Variants in BCAR1 observed in about 807,000 individuals in gnomAD.
The protein encoded by BCAR1 is breast cancer anti-estrogen resistance protein 1.
Under a neutral mutation model 67.6 loss-of-function variants are expected in BCAR1, and 30 were observed. The ratio of observed to expected loss-of-function variants is 0.44; its 90% CI spans 0.33 to 0.60. The LOEUF is 0.60. Ranked by LOEUF, BCAR1 falls within the 20% of genes least tolerant of loss-of-function variation. The probability of loss-of-function intolerance (pLI) is 0.02; values close to 1 mark genes in which losing one functional copy is unlikely to be tolerated. For synonymous variants in BCAR1, 626 were observed against 556.7 expected (o/e 1.12, Z -1.75); for missense variants, 1,313 against 1,222.3 (o/e 1.07, Z -1.11).
intron 1 of BCAR1, among the ~76,000 whole-genome samples, chr16:75,256,977 C>T (rs899500801): frequency 6.6e-6 from 1 of 152,168 alleles, no homozygotes; most frequent in African/African-American, 2.4e-5. Flanking sequence ...CCTGAATCTG[C>T]GCCCTATGGC....
In BCAR1 at chr16:75,235,837, G is replaced by T; in HGVS notation, c.1062C>A (p.Asp354Glu). 6.4e-7 allele frequency: 1 copy of T among 1,573,738 alleles called. No individual in the cohort carries two copies. The highest frequency in any genetic ancestry group is 1.2e-5 in the South Asian group (1 of 86,624). Residue 354 changes from aspartate (D) to glutamate (E), a missense_variant, in exon 5 of 7, where the codon GAC (aspartate) becomes GAA (glutamate). This residue lies in a region of BCAR1 where 1,272 missense variants were observed against 1,137.5 expected (regional missense o/e 1.12). Transcript: ENST00000162330. ...CATACACGTCCTCGGCCGGCGGGGA[G>T]TCTGGAGGGGGCGCAGCCAGTACCA... The part of the protein sequence containing the change: ...TPLVLAAPPP[D>E]SPPAEDVYDV...
chr16:75,266,047 G>A, intron 1 of BCAR1: 1 of 1,025,276 alleles, frequency 9.8e-7, no homozygotes, highest in Non-Finnish European at 1.2e-6. Context: ...TCCGCGGCCA[G>A]GGACGCGTTA....
upstream of BCAR1, among the ~76,000 whole-genome samples, chr16:75,252,816 G>C (rs1479293664): frequency 6.6e-6 from 1 of 152,210 alleles, no homozygotes; most frequent in African/African-American, 2.4e-5. Context: ...GGCCAGATGT[G>C]CCACCTTGGC....
chr16:75,239,942 A>C (rs1057428621), intron 2 of BCAR1, among the ~76,000 whole-genome samples: 5 of 152,102 alleles, frequency 3.3e-5, no homozygotes, highest in African/African-American at 1.2e-4. Context: ...CAGGGGCACT[A>C]CCTGAGCGAC....
intron 4 of BCAR1, 102 bp downstream of exon 4, chr16:75,236,780 C>A: frequency 6.9e-7 from 1 of 1,455,080 alleles, no homozygotes. Context: ...TCTTCCTGCC[C>A]GCCACCCCCA....
In BCAR1 at chr16:75,235,655, G is replaced by C. The variant is rs764220162; in HGVS notation, c.1244C>G (p.Pro415Arg). The change falls in exon 5 of 7, where the codon CCA becomes CGA. Residue 415 changes from proline (P) to arginine (R), a missense_variant. By Grantham distance (103) the Pro-to-Arg change is moderately radical (BLOSUM62 -2). Transcript: ENST00000162330. Reference protein sequence around the residue: ...VDSGVYAVPPPAEREAPAEGK... With the variant: ...VDSGVYAVPPRAEREAPAEGK... ...CTCTGCCGGGGCTTCACGTTCAGCT[G>C]GGGGAGGCACCGCATACACACCACT... The C allele has an allele frequency of 1.3e-5, 21 of 1,609,858 alleles. No homozygotes were observed. The highest frequency in any genetic ancestry group is 2.2e-5 in the South Asian group (2 of 90,734).
intron 1 of BCAR1, chr16:75,264,759 T>G: frequency 1.2e-6 from 1 of 805,812 alleles, no homozygotes; most frequent in Non-Finnish European, 1.6e-6. Flanking sequence ...CACTGCCTGC[T>G]TCACGGAAAG....
intron 5 of BCAR1, 131 bp from the exon 6 acceptor site, chr16:75,234,066 CGTG>C: frequency 1.3e-6 from 1 of 758,996 alleles, no homozygotes; most frequent in South Asian, 1.6e-5. Context: ...CACACGCACA[CGTG>C]GACGCACACA....
At position 75,230,049 on chromosome 16, in the gene BCAR1, G is replaced by A. The variant is rs369048171; in HGVS notation, c.2101-26C>T. The stretch of plus-strand genomic sequence containing the variant: ...CTGGGGCAGGAGGGAAGCAGGAGCA[G>A]GGTTAGGCTCTCGGGTGAGTTGGAA... On this transcript the variant is annotated intron_variant, in intron 6 of 6. Transcript: ENST00000162330. 7.2e-6 allele frequency: 11 copies of A among 1,518,624 alleles called. No individual in the cohort carries two copies. The African/African-American group carries it at 1.3e-4, about 17-fold the overall frequency. The allele number at this position is 1,518,624 out of a possible 1,614,324, so 94.1% of individuals were successfully genotyped here.
At chr16:75,248,345 A>C in intron 1 of BCAR1, 1 of 1,338,496 alleles carries the variant, frequency 7.5e-7, no homozygotes, top group Non-Finnish European at 9.6e-7. Context: ...TCATACCCAG[A>C]ACCATCACAA....
Position 75,235,442 on chromosome 16 carries a change from G to C in BCAR1, c.1457C>G (p.Ala486Gly), listed in dbSNP as rs141024553. The part of the protein sequence containing the change: ...HLLDLAGSAG[A>G]TGSWRSPSEP... Reference sequence around the variant, plus strand: ...AGAGGGGCTACGCCAGCTCCCAGTCGCACCGGCGCTGCCTGCCAGGTCCAG... The same window carrying C: ...AGAGGGGCTACGCCAGCTCCCAGTCCCACCGGCGCTGCCTGCCAGGTCCAG... Residue 486 changes from alanine (A) to glycine (G), a missense_variant, in exon 5 of 7, where the codon GCG becomes GGG. By Grantham distance (60) the Ala-to-Gly change is moderately conservative (BLOSUM62 0). This residue lies in a region of BCAR1 where 1,272 missense variants were observed against 1,137.5 expected (regional missense o/e 1.12). Transcript: ENST00000162330. 1 of 1,607,646 alleles carries C rather than the reference G, an allele frequency of 6.2e-7. No homozygotes were observed. Among genetic ancestry groups the C allele is most frequent in the African/African-American group, 1.3e-5 (1 of 74,996 alleles).
In BCAR1 at chr16:75,245,964, C is replaced by CTTTTTTTTTTTTTTTTTTTTTT. The variant is rs60320561; in HGVS notation, c.13-2896_13-2875dup. The CTTTTTTTTTTTTTTTTTTTTTT allele has an allele frequency of 1.8e-4, 9 of 49,634 alleles. 1 individual carries two copies. Among genetic ancestry groups the CTTTTTTTTTTTTTTTTTTTTTT allele is most frequent in the Admixed American group, 7.3e-4 (2 of 2,722 alleles). 3.1% of individuals were successfully genotyped at this position (49,634 alleles called of 1,614,324 possible). A position where few individuals can be genotyped will look rare whatever the true frequency, so the allele number is the denominator to read the frequency against. ...ACAGCCCTCATTTCATAGGATTGTTCTTTTTTTTTTTTTTTTTTTTTTTTT... is the reference window on the plus strand; with the variant it reads ...ACAGCCCTCATTTCATAGGATTGTTCTTTTTTTTTTTTTTTTTTTTTTTTTTTTTTTTTTTTTTTTTTTTTTT... On this transcript the variant is annotated intron_variant, in intron 1 of 6. Transcript: ENST00000162330.
At chr16:75,237,161 C>A in intron 3 of BCAR1, 22 bp downstream of exon 3, 1 of 1,516,566 alleles carries the variant, frequency 6.6e-7, no homozygotes, top group Non-Finnish European at 8.8e-7. Flanking sequence ...TGCCCTCCCA[C>A]CGCTGCGCAC....
intron 1 of BCAR1, chr16:75,263,756 G>A (rs930647156): frequency 1.0e-6 from 1 of 986,154 alleles, no homozygotes; most frequent in Non-Finnish European, 1.2e-6. Flanking sequence ...TTAAAACCCA[G>A]ACGTGTCCCT....
In BCAR1 at chr16:75,236,369, GCCA is replaced by G. The variant is rs975630265; in HGVS notation, c.913-386_913-384del. On this transcript the variant is annotated intron_variant, in intron 4 of 6. Transcript: ENST00000162330. ...AAAGGTTAGCTGTGATACTGCCACTGCCACCACCATCATATCATGATTTCATCA... is the reference window on the plus strand; with the variant it reads ...AAAGGTTAGCTGTGATACTGCCACTGCCACCATCATATCATGATTTCATCA... 26 of 334,402 alleles carry G rather than the reference GCCA, an allele frequency of 7.8e-5. No homozygotes were observed. The South Asian group carries it at 1.3e-3, about 16-fold the overall frequency. 20.7% of individuals were successfully genotyped at this position (334,402 alleles called of 1,614,324 possible). A position where few individuals can be genotyped will look rare whatever the true frequency, so the allele number is the denominator to read the frequency against.
intron 1 of BCAR1, 132 bp downstream of exon 1, chr16:75,251,339 C>G: frequency 7.8e-7 from 1 of 1,288,484 alleles, no homozygotes; most frequent in Non-Finnish European, 1.0e-6. Flanking sequence ...GAAGGAGATC[C>G]CAGGGCCGCG....
intron 1 of BCAR1, chr16:75,264,013 G>A (rs2077956558): frequency 8.3e-7 from 1 of 1,208,940 alleles, no homozygotes; most frequent in African/African-American, 1.6e-5. Context: ...ACCCCCAGCA[G>A]AATTCTCCTG....
At chr16:75,234,323 G>A (rs1179494608) in intron 5 of BCAR1, among the ~76,000 whole-genome samples, 2 of 152,128 alleles carry the variant, frequency 1.3e-5, no homozygotes, top group Non-Finnish European at 2.9e-5. Flanking sequence ...GCCAGCTCAG[G>A]AAGAGACTGG....
chr16:75,267,402 G>C (rs78671204), intron 1 of BCAR1, among the ~76,000 whole-genome samples: 69,259 of 145,760 alleles, frequency 0.48, 18,105 homozygotes, highest in Admixed American at 0.62. Context: ...GCCGGGGGGG[G>C]GGTGGGGGGC....
Sources: allele counts gnomAD v4.1 joint callset (sites outside exome capture counted in the v4.1 genomes callset), GRCh38; gene constraint gnomAD v4.1.1; regional missense constraint gnomAD v4.1.1; transcripts MANE v1.5; gene names NCBI Gene and HGNC (gene_info 2026-07-23, HGNC 2026-07-21).